The following COL16A1 variants were observed in gnomAD, a reference collection of about 807,000 sequenced individuals.
COL16A1 encodes collagen type XVI alpha 1 chain, also known as collagen alpha-1(XVI) chain.
COL16A1 carries 189 observed loss-of-function variants against 266.3 expected under a neutral mutation model. The observed-to-expected ratio is 0.71, with a 90% CI of 0.63 to 0.80. The LOEUF (loss-of-function observed/expected upper bound fraction) is 0.80, where lower values mean the gene tolerates loss of function less well. Among genes scored for constraint, COL16A1 ranks in the 30% least tolerant of loss-of-function variants. The pLI is 0.00. For missense variants in COL16A1, 1,928 were observed against 2,122.4 expected, an observed-to-expected ratio of 0.91 and a Z score of 1.80; for synonymous variants, 740 against 782.3, an observed-to-expected ratio of 0.95 and a Z score of 0.90.
At chr1:31,691,355 T>G in intron 19 of COL16A1, 62 bp downstream of exon 19, 1 of 1,584,108 alleles carries the variant, frequency 6.3e-7, no homozygotes. Context: ...GTTCATTCCC[T>G]GGCCAGGGTG....
At chr1:31,675,815 C>T (rs1393905508) in intron 42 of COL16A1, among the ~76,000 whole-genome samples, 1 of 152,128 alleles carries the variant, frequency 6.6e-6, no homozygotes, top group African/African-American at 2.4e-5. Context: ...CGCTCACCAC[C>T]ATGCCTGGCT....
At position 31,698,362 on chromosome 1, in the gene COL16A1, C is replaced by A; in HGVS notation, c.390+121G>T. 1.3e-6 allele frequency: 2 copies of A among 1,546,488 alleles called. No homozygotes were observed. The highest frequency in any genetic ancestry group is 8.8e-7 in the Non-Finnish European group (1 of 1,141,836). ...TAGGTACTGGTGGGCTGGGGACAGGCTTGAGGGTAGGCACAGGATGGAGCA... is the reference window on the plus strand; with the variant it reads ...TAGGTACTGGTGGGCTGGGGACAGGATTGAGGGTAGGCACAGGATGGAGCA... On this transcript the variant is annotated intron_variant, in intron 5 of 70. Coordinates refer to ENST00000373672, the MANE Select transcript of COL16A1 (RefSeq NM_001856.4). This position sits in a 1 kb window ranked among gnomAD's most constrained non-coding sequence, Gnocchi z 4.1.
At chr1:31,658,633 C>T in intron 63 of COL16A1, 56 bp from the exon 64 acceptor site, 1 of 1,452,934 alleles carries the variant, frequency 6.9e-7, no homozygotes, top group Non-Finnish European at 9.5e-7. Flanking sequence ...AAGTGGACTC[C>T]CATATAGCCA....
rs1256966719 is a variant in COL16A1, at chr1:31,672,645, G to C, written c.2977-8C>G. On this transcript the variant is annotated splice_region_variant and splice_polypyrimidine_tract_variant and intron_variant, in intron 45 of 70. Transcript: ENST00000373672. Reference sequence around the variant, plus strand: ...CTCCAGTGACAAAAAGCACTGCAAGGGACAATGAGAGGCACATTGTCTGAT... The same window carrying C: ...CTCCAGTGACAAAAAGCACTGCAAGCGACAATGAGAGGCACATTGTCTGAT... 2.5e-6 allele frequency: 4 copies of C among 1,605,586 alleles called. No homozygotes were observed. The South Asian group carries it at 3.3e-5, about 13-fold the overall frequency.
chr1:31,673,295 T>C (rs558427882), intron 44 of COL16A1: 1 of 202,780 alleles, frequency 4.9e-6, no homozygotes, highest in Admixed American at 5.4e-5. Context: ...GGGACAGATC[T>C]CAGATTGCTC....
In COL16A1 at chr1:31,665,604, C is replaced by G; in HGVS notation, c.3471G>C (p.Gln1157His). 6.2e-7 allele frequency: 1 copy of G among 1,613,522 alleles called. No individual in the cohort carries two copies. The highest frequency in any genetic ancestry group is 2.2e-5 in the East Asian group (1 of 44,796). The change falls in exon 55 of 71, where the codon CAG becomes CAC. Residue 1157 changes from glutamine (Q) to histidine (H), a missense_variant. Physicochemically the swap from Gln to His is conservative, Grantham distance 24. Around this residue, in one of 2 missense-constraint regions of COL16A1, gnomAD observed 1,552 missense variants for 1,637.2 expected, o/e 0.95. Coordinates refer to ENST00000373672, the MANE Select transcript of COL16A1 (RefSeq NM_001856.4). Reference protein sequence around the residue: ...GEKGDQGFQGQPGFPGPPGPP... With the variant: ...GEKGDQGFQGHPGFPGPPGPP... ...TCACCGGTGGGCCCGGAAAGCCTGG[C>G]TGGCCTTGAAATCCCTAGGGTGAGA...
In COL16A1 at chr1:31,679,813, C is replaced by T. The variant is rs749884892; in HGVS notation, c.2709G>A (p.Pro903=). Reference sequence around the variant, plus strand: ...GAGACAAGCGACACACCTGCGGGCCCGGCTGCCAGGAGCTGCCCATCCAAA... The same window carrying T: ...GAGACAAGCGACACACCTGCGGGCCTGGCTGCCAGGAGCTGCCCATCCAAA... ...PGLWMGSSWQ[P]GPQGPPGIPG... Residue 903 remains proline, a synonymous_variant, in exon 41 of 71, where the codon CCG becomes CCA. Transcript: ENST00000373672. 2.1e-5 allele frequency: 32 copies of T among 1,553,210 alleles called. No homozygotes were observed. The highest frequency in any genetic ancestry group is 1.6e-4 in the East Asian group (7 of 43,716).
In COL16A1 at chr1:31,671,615, G is replaced by A. The variant is rs368007133; in HGVS notation, c.3150C>T (p.Ile1050=). Residue 1050 remains isoleucine (I), a splice_region_variant and synonymous_variant, in exon 48 of 71, where the codon ATC becomes ATT. Coordinates refer to ENST00000373672, the MANE Select transcript of COL16A1 (RefSeq NM_001856.4). ...MRGSPGPPGP[I]GPPGFPGAVG... ...AGACCAGGGCACCACTGATACTTAC[G>A]ATAGGGCCTGGAGGACCCGGGGAGC... The A allele has an allele frequency of 1.6e-5, 26 of 1,614,018 alleles. No homozygotes were observed. The Middle Eastern group carries it at 6.6e-4, about 41-fold the overall frequency.
rs1276411738 is a variant in COL16A1 at position 31,662,318 on chromosome 1, C to T, written c.3681+16G>A. 1 of 1,603,808 alleles carries T rather than the reference C, an allele frequency of 6.2e-7. No individual in the cohort carries two copies. The highest frequency in any genetic ancestry group is 8.5e-7 in the Non-Finnish European group (1 of 1,173,292). ...GGAGAGGAAGGGGTGCCCGCCCTCC[C>T]AGCCCATCATCTCACCCTCAAGCCA... On this transcript the variant is annotated intron_variant, in intron 58 of 70. Transcript: ENST00000373672.
Position 31,670,959 on chromosome 1 carries a change from T to G in COL16A1, c.3151-313A>C, listed in dbSNP as rs1039908827. On this transcript the variant is annotated intron_variant, in intron 48 of 70. Transcript: ENST00000373672. This position sits in a 1 kb window ranked among gnomAD's most constrained non-coding sequence, Gnocchi z 4.5. ...CCATTTCTTTCAGCCTTGCCCACCA[T>G]GCCTGCCACCCGACCTCCACCTGTC... Among the ~76,000 whole-genome samples, 4 of 152,166 alleles carry G rather than the reference T, an allele frequency of 2.6e-5. No homozygotes were observed. The highest frequency in any genetic ancestry group is 6.5e-5 in the Admixed American group (1 of 15,284).
intron 62 of COL16A1, among the ~76,000 whole-genome samples, chr1:31,660,383 C>T (rs535146436): frequency 1.3e-5 from 2 of 152,362 alleles, no homozygotes; most frequent in Non-Finnish European, 2.9e-5. Context: ...TGACCTCCAT[C>T]TGATAAGTGA....
At position 31,671,633 on chromosome 1, in the gene COL16A1, C is replaced by T. The variant is rs752365049; in HGVS notation, c.3132G>A (p.Pro1044=). The change falls in exon 48 of 71, where the codon CCG becomes CCA. Residue 1044 remains proline, a synonymous_variant. Transcript: ENST00000373672. ...EEGPPGMRGS[P]GPPGPIGPPG... is the part of the protein sequence containing the mutation. ...TACTTACGATAGGGCCTGGAGGACC[C>T]GGGGAGCCCCTCATGCCAGGCGGAC... The T allele has an allele frequency of 1.1e-5, 18 of 1,613,898 alleles. No individual in the cohort carries two copies. The highest frequency in any genetic ancestry group is 1.5e-5 in the Non-Finnish European group (18 of 1,179,996).
chr1:31,689,692 T>G (rs1479708055), intron 23 of COL16A1, 49 bp downstream of exon 23: 1 of 1,463,072 alleles, frequency 6.8e-7, no homozygotes, highest in Non-Finnish European at 9.6e-7. Context: ...GTCCCCAGGT[T>G]TCTTTGTGTG....
rs538274754 is a variant in COL16A1 at position 31,683,844 on chromosome 1, C to A, written c.2338-96G>T. 5.0e-6 allele frequency: 8 copies of A among 1,605,634 alleles called. No individual in the cohort carries two copies. In the East Asian group the frequency reaches 1.8e-4, roughly 36 times the overall value. ...TCTCCTCCAGCTTCTTCCTGCCCTG[C>A]ACCCTGCCTCCATTTCCCACTCCAG... On this transcript the variant is annotated intron_variant, in intron 33 of 70. Coordinates refer to ENST00000373672, the MANE Select transcript of COL16A1 (RefSeq NM_001856.4).
At chr1:31,682,565 G>C (rs575194416) in intron 37 of COL16A1, among the ~76,000 whole-genome samples, 13 of 152,298 alleles carry the variant, frequency 8.5e-5, no homozygotes, top group Admixed American at 4.6e-4. Context: ...GATGGGCTTT[G>C]GTTTGAGTCA....
intron 31 of COL16A1, 111 bp downstream of exon 31, chr1:31,684,412 C>T (rs1218537814): frequency 2.0e-6 from 3 of 1,518,246 alleles, no homozygotes; most frequent in East Asian, 4.6e-5. Flanking sequence ...CTCAGTGACT[C>T]TGACAGCCGT....
intron 64 of COL16A1, 42 bp downstream of exon 64, chr1:31,658,446 A>G: frequency 6.6e-7 from 1 of 1,513,850 alleles, no homozygotes; most frequent in Non-Finnish European, 9.1e-7. Context: ...GAGCCAATTG[A>G]CTCTTTCCCC....
intron 13 of COL16A1, 83 bp downstream of exon 13, chr1:31,693,009 T>C: frequency 9.7e-7 from 1 of 1,035,658 alleles, no homozygotes. Flanking sequence ...TCTGCCGGGA[T>C]GATGGGATGA....
Position 31,694,178 on chromosome 1 carries a change from G to C in COL16A1, c.982-8C>G, listed in dbSNP as rs778956733. The C allele has an allele frequency of 6.3e-7, 1 of 1,586,068 alleles. No individual in the cohort carries two copies. The highest frequency in any genetic ancestry group is 1.2e-5 in the South Asian group (1 of 86,092). On this transcript the variant is annotated splice_polypyrimidine_tract_variant and splice_region_variant and intron_variant, in intron 11 of 70. Coordinates refer to ENST00000373672, the MANE Select transcript of COL16A1 (RefSeq NM_001856.4). ...AGAGGGAGCAAGTGTGACCTGAGGG[G>C]ACAGAGGAGAGGGCATCACACTTCC... is the stretch of plus-strand genomic sequence containing the variant.
Sources: allele counts gnomAD v4.1 joint callset (sites outside exome capture counted in the v4.1 genomes callset), GRCh38; gene constraint gnomAD v4.1.1; regional missense constraint gnomAD v4.1.1; non-coding constraint Gnocchi (gnomAD v3.1); transcripts MANE v1.5; gene names NCBI Gene and HGNC (gene_info 2026-07-23, HGNC 2026-07-21).